Variants in GGH observed in about 807,000 individuals in gnomAD.
The protein encoded by GGH is gamma-glutamyl hydrolase.
In GGH, 18 loss-of-function variants were observed where a neutral mutation model predicts 39.2. The ratio of observed to expected loss-of-function variants is 0.46; its 90% CI spans 0.32 to 0.68. GGH has a LOEUF of 0.68. GGH is among the 30% of genes least tolerant of loss of function. The probability of loss-of-function intolerance (pLI) is 0.04; values close to 1 mark genes in which losing one functional copy is unlikely to be tolerated. For synonymous variants in GGH, 147 were observed against 138.8 expected, an observed-to-expected ratio of 1.06 and a Z score of -0.42; for missense variants, 367 against 384.1, an observed-to-expected ratio of 0.96 and a Z score of 0.37.
At chr8:63,035,261 A>C (rs1280379365) in intron 2 of GGH, among the ~76,000 whole-genome samples, 1 of 152,212 alleles carries the variant, frequency 6.6e-6, no homozygotes, top group Non-Finnish European at 1.5e-5. Flanking sequence ...ACTGCATTTA[A>C]ACAATGTAAT....
At chr8:63,035,134 T>C (rs1414086677) in intron 2 of GGH, among the ~76,000 whole-genome samples, 1 of 152,158 alleles carries the variant, frequency 6.6e-6, no homozygotes. Flanking sequence ...TTGATGTTAA[T>C]GCATATGACA....
chr8:63,019,009 C>T (rs944644955), intron 7 of GGH, among the ~76,000 whole-genome samples: 4 of 152,114 alleles, frequency 2.6e-5, no homozygotes, highest in African/African-American at 9.7e-5. Context: ...ACCCCTGTAA[C>T]AGCAATATGA....
chr8:63,017,890 T>C (rs1804516016), intron 7 of GGH: 2 of 331,296 alleles, frequency 6.0e-6, no homozygotes, highest in Non-Finnish European at 5.5e-6. Context: ...AAGTAGAAGC[T>C]GAGCTGAGGA....
rs903783044 is a variant in GGH at position 63,015,173 on chromosome 8, T to A, written c.*159A>T. 2 of 425,310 alleles carry A rather than the reference T, an allele frequency of 4.7e-6. No homozygotes were observed. The highest frequency in any genetic ancestry group is 8.2e-6 in the Non-Finnish European group (2 of 242,642). The allele number at this position is 425,310 out of a possible 1,614,324, so 26.3% of individuals were successfully genotyped here. A position where few individuals can be genotyped will look rare whatever the true frequency, so the allele number is the denominator to read the frequency against. Reference sequence around the variant, plus strand: ...ATTTATGTCTCACTATTTAATTATCTAATGTTATATAAATAGTCACATACA... The same window carrying A: ...ATTTATGTCTCACTATTTAATTATCAAATGTTATATAAATAGTCACATACA... On this transcript the variant is annotated 3_prime_UTR_variant, in exon 9 of 9. Transcript: ENST00000260118.
At chr8:63,037,142 T>C (rs1294715787) in intron 1 of GGH, among the ~76,000 whole-genome samples, 2 of 152,230 alleles carry the variant, frequency 1.3e-5, no homozygotes, top group African/African-American at 2.4e-5. Flanking sequence ...TCCCAGCTTC[T>C]TACAATTGGC....
chr8:63,033,851 T>G (rs1804849463), intron 2 of GGH, among the ~76,000 whole-genome samples: 1 of 151,810 alleles, frequency 6.6e-6, no homozygotes, highest in South Asian at 2.1e-4. Flanking sequence ...TAGCTCCCAC[T>G]TATAAGTGAG....
intron 2 of GGH, among the ~76,000 whole-genome samples, chr8:63,034,380 A>G (rs1005329465): frequency 3.3e-5 from 5 of 152,210 alleles, no homozygotes; most frequent in African/African-American, 1.2e-4. Context: ...CTAAATTGTA[A>G]TATTTGCATT....
At chr8:63,020,891 G>C (rs1804572895) in intron 7 of GGH, among the ~76,000 whole-genome samples, 1 of 152,220 alleles carries the variant, frequency 6.6e-6, no homozygotes, top group South Asian at 2.1e-4. Flanking sequence ...GTGGCTGGAA[G>C]ATGGGTTTGT....
intron 3 of GGH, 26 bp from the exon 4 acceptor site, chr8:63,027,291 T>C: frequency 7.5e-7 from 1 of 1,332,472 alleles, no homozygotes; most frequent in Non-Finnish European, 1.1e-6. Flanking sequence ...ATAAATCAAA[T>C]AGGGTGTATT....
chr8:63,020,731 G>A (rs567229255), intron 7 of GGH, among the ~76,000 whole-genome samples: 8 of 152,184 alleles, frequency 5.3e-5, no homozygotes, highest in Non-Finnish European at 1.0e-4. Flanking sequence ...CAAACAGGTC[G>A]TGCAGGGTAC....
rs1181241618 is a variant in GGH at position 63,017,536 on chromosome 8, A to G, written c.792T>C (p.Ala264=). 7 of 1,610,646 alleles carry G rather than the reference A, an allele frequency of 4.3e-6. No individual in the cohort carries two copies. Among genetic ancestry groups the G allele is most frequent in the South Asian group, 1.1e-5 (1 of 90,644 alleles). The change falls in exon 8 of 9, where the codon GCT becomes GCC. Residue 264 remains alanine, a synonymous_variant. Coordinates refer to ENST00000260118, the MANE Select transcript of GGH (RefSeq NM_003878.3). ...NLDGISHAPN[A]VKTAFYLAEF... ...CTGCTAAATAAAATGCGGTTTTCACAGCATTAGGTGCATGGGAAATGCCAT... is the reference window on the plus strand; with the variant it reads ...CTGCTAAATAAAATGCGGTTTTCACGGCATTAGGTGCATGGGAAATGCCAT...
At chr8:63,022,514 G>A (rs1037916948) in intron 7 of GGH, among the ~76,000 whole-genome samples, 23 of 124,394 alleles carry the variant, frequency 1.8e-4, no homozygotes, top group African/African-American at 7.0e-4. Flanking sequence ...TGTCTAACCT[G>A]ATTAACATGT....
At chr8:63,021,476 G>A (rs1804583257) in intron 7 of GGH, among the ~76,000 whole-genome samples, 1 of 152,148 alleles carries the variant, frequency 6.6e-6, no homozygotes, top group Admixed American at 6.5e-5. Flanking sequence ...CACCTGCTGT[G>A]CGACATCCTG....
At chr8:63,028,873 G>A (rs1804749129) in intron 3 of GGH, among the ~76,000 whole-genome samples, 1 of 152,176 alleles carries the variant, frequency 6.6e-6, no homozygotes, top group South Asian at 2.1e-4. Context: ...AGGGTGGGAA[G>A]AAAATGAAGT....
In GGH at chr8:63,023,963, A is replaced by G; in HGVS notation, c.641T>C (p.Phe214Ser). Residue 214 changes from phenylalanine to serine, a missense_variant, in exon 7 of 9, where the codon TTC (phenylalanine) becomes TCC (serine). Transcript: ENST00000260118. ...FTMNEKLKKFFNVLTTNTDGK... is the reference protein window; with the variant it reads ...FTMNEKLKKFSNVLTTNTDGK... ...ATCTGTATTTGTAGTTAAGACATTG[A>G]AAAACTTCTTTAACTTTTCATTCAT... 6.3e-7 allele frequency: 1 copy of G among 1,597,114 alleles called. No individual in the cohort carries two copies. The highest frequency in any genetic ancestry group is 8.6e-7 in the Non-Finnish European group (1 of 1,167,914).
chr8:63,017,344 A>G (rs1804503600), intron 8 of GGH, 149 bp downstream of exon 8: 1 of 535,238 alleles, frequency 1.9e-6, no homozygotes. Flanking sequence ...TAGGGCTTTC[A>G]CATTATTTAA....
chr8:63,026,336 CTTTTCAAAATAAAAA>C, intron 4 of GGH, 40 bp from the exon 5 acceptor site: 1 of 1,534,012 alleles, frequency 6.5e-7, no homozygotes, highest in South Asian at 1.2e-5. Flanking sequence ...TTTATTCAAA[CTTTTCAAAATAAAAA>C]TTAGCCATAT....
chr8:63,035,440 G>A (rs1240408561), intron 2 of GGH, among the ~76,000 whole-genome samples: 1 of 152,140 alleles, frequency 6.6e-6, no homozygotes, highest in East Asian at 1.9e-4. Context: ...CCAGTAGCTG[G>A]GATTACAGGA....
chr8:63,036,696 T>C (rs896756067), intron 1 of GGH, among the ~76,000 whole-genome samples: 6 of 152,288 alleles, frequency 3.9e-5, no homozygotes, highest in African/African-American at 7.2e-5. Context: ...CACATTCATA[T>C]ATCTGGGAAA....
Sources: gnomAD v4.1 joint callset for allele counts (sites outside exome capture counted in the v4.1 genomes callset) on GRCh38, gnomAD v4.1.1 for gene constraint, MANE v1.5 for transcripts, NCBI Gene and HGNC (gene_info 2026-07-23, HGNC 2026-07-21) for gene names.